Variants in LPP observed in about 807,000 individuals in gnomAD.
LPP encodes lipoma-preferred partner.
In LPP, 38 loss-of-function variants were observed where a neutral mutation model predicts 60.4. That is an observed-to-expected ratio of 0.63 (90% confidence interval 0.49 to 0.83). LPP has a LOEUF of 0.83. Among genes scored for constraint, LPP ranks in the 40% least tolerant of loss-of-function variants. The pLI is 0.00. For synonymous variants in LPP, 328 were observed against 290.8 expected, an observed-to-expected ratio of 1.13 and a Z score of -1.30; for missense variants, 902 against 783.6, an observed-to-expected ratio of 1.15 and a Z score of -1.80.
At chr3:188,867,157 T>C (rs960229792) in intron 10 of LPP, among the ~76,000 whole-genome samples, 2 of 151,894 alleles carry the variant, frequency 1.3e-5, no homozygotes, top group African/African-American at 4.8e-5. Context: ...GTATTACAGC[T>C]GGGGTCTTTA....
At chr3:188,597,712 G>C (rs529748964) in intron 6 of LPP, among the ~76,000 whole-genome samples, 1 of 152,014 alleles carries the variant, frequency 6.6e-6, no homozygotes, top group African/African-American at 2.4e-5. Flanking sequence ...TTCTGTTACC[G>C]AACTATTTCC....
chr3:188,489,538 G>A lies in LPP; in HGVS notation c.306+4834G>A, dbSNP rs572587478. Among the ~76,000 whole-genome samples, 11 of 152,304 alleles carry A rather than the reference G, an allele frequency of 7.2e-5. No homozygotes were observed. The South Asian group carries it at 2.3e-3, about 32-fold the overall frequency. Reference sequence around the variant, plus strand: ...GGTAGGCCTTGTGTTTCTAACTGTGGAACCTACTCTTTGTTCTGAAACCAT... The same window carrying A: ...GGTAGGCCTTGTGTTTCTAACTGTGAAACCTACTCTTTGTTCTGAAACCAT... On this transcript the variant is annotated intron_variant, in intron 5 of 11. Transcript: ENST00000617246.
At chr3:188,834,602 C>T (rs949834162) in intron 9 of LPP, among the ~76,000 whole-genome samples, 1 of 152,068 alleles carries the variant, frequency 6.6e-6, no homozygotes, top group African/African-American at 2.4e-5. Context: ...CCTCAGTTTC[C>T]GCCACCAGGT....
At chr3:188,578,905 C>T (rs1366806366) in intron 6 of LPP, among the ~76,000 whole-genome samples, 1 of 152,116 alleles carries the variant, frequency 6.6e-6, no homozygotes, top group African/African-American at 2.4e-5. Flanking sequence ...TTTAGTGTAG[C>T]TGATATTAAT....
At chr3:188,765,432 T>A (rs1733718896) in intron 9 of LPP, among the ~76,000 whole-genome samples, 3 of 152,140 alleles carry the variant, frequency 2.0e-5, no homozygotes, top group Admixed American at 1.3e-4. Flanking sequence ...AAGCACTCTC[T>A]TGGGAAGTTA....
intron 7 of LPP, among the ~76,000 whole-genome samples, chr3:188,693,705 C>T (rs564826203): frequency 9.9e-5 from 15 of 152,228 alleles, no homozygotes; most frequent in East Asian, 3.9e-4. Flanking sequence ...CAGTGTGTGT[C>T]GCCTCGCCGA....
intron 2 of LPP, among the ~76,000 whole-genome samples, chr3:188,332,801 T>C (rs900007909): frequency 6.6e-6 from 1 of 152,194 alleles, no homozygotes; most frequent in Non-Finnish European, 1.5e-5. Flanking sequence ...CAGACTCTAC[T>C]AGAAAGGTAA....
chr3:188,292,474 T>C (rs775915275), intron 2 of LPP, among the ~76,000 whole-genome samples: 4 of 152,220 alleles, frequency 2.6e-5, no homozygotes, highest in Non-Finnish European at 4.4e-5. Context: ...TCTGGAAGAC[T>C]GGACATGTCG....
intron 7 of LPP, among the ~76,000 whole-genome samples, chr3:188,688,111 C>A (rs1189630349): frequency 6.6e-6 from 1 of 152,252 alleles, no homozygotes; most frequent in East Asian, 1.9e-4. Flanking sequence ...CTTAGTTTTT[C>A]CAAAGTACTT....
intron 8 of LPP, chr3:188,712,681 C>A (rs1712056942): frequency 6.6e-6 from 1 of 152,248 alleles, no homozygotes; most frequent in Admixed American, 6.5e-5. Context: ...ATCACCTACT[C>A]TTTCTTTACT....
At chr3:188,703,554 G>T (rs1055032125) in intron 7 of LPP, among the ~76,000 whole-genome samples, 1 of 152,156 alleles carries the variant, frequency 6.6e-6, no homozygotes, top group East Asian at 1.9e-4. Context: ...AGTGACAGCC[G>T]TGGAGTGGAG....
intron 9 of LPP, among the ~76,000 whole-genome samples, chr3:188,796,395 C>CA (rs552048401): frequency 1.6e-3 from 245 of 152,230 alleles, no homozygotes; most frequent in African/African-American, 5.5e-3. Flanking sequence ...GCCTTTTTCC[C>CA]AAAAGTACAG....
intron 9 of LPP, among the ~76,000 whole-genome samples, chr3:188,836,528 C>T (rs1157106504): frequency 1.3e-5 from 2 of 152,218 alleles, no homozygotes; most frequent in Admixed American, 1.3e-4. Flanking sequence ...CACTCTATCC[C>T]TGCAGGACTT....
At position 188,884,008 on chromosome 3, in the gene LPP, T is replaced by A. The variant is rs1243380283; in HGVS notation, c.*9529T>A. 1 of 220,528 alleles carries A rather than the reference T, an allele frequency of 4.5e-6. No homozygotes were observed. The highest frequency in any genetic ancestry group is 2.2e-5 in the African/African-American group (1 of 44,614). The allele number at this position is 220,528 out of a possible 1,614,324, so 13.7% of individuals were successfully genotyped here. ...GGGGAAGACCATGATTGTGGCTTCTTCTACCCCAACTTTGAATGAGAGAGC... is the reference window on the plus strand; with the variant it reads ...GGGGAAGACCATGATTGTGGCTTCTACTACCCCAACTTTGAATGAGAGAGC... On this transcript the variant is annotated 3_prime_UTR_variant, in exon 12 of 12. Coordinates refer to ENST00000617246, the MANE Select transcript of LPP (RefSeq NM_001375462.1).
intron 7 of LPP, among the ~76,000 whole-genome samples, chr3:188,675,811 G>A (rs769788731): frequency 4.6e-5 from 7 of 152,168 alleles, no homozygotes; most frequent in Non-Finnish European, 8.8e-5. Context: ...GAAAAGGTAT[G>A]TTCTTTTTCC....
At chr3:188,460,420 A>C (rs1247542720) in intron 4 of LPP, among the ~76,000 whole-genome samples, 1 of 152,196 alleles carries the variant, frequency 6.6e-6, no homozygotes, top group East Asian at 1.9e-4. Flanking sequence ...TAAATATTTC[A>C]TCCAGGAGAA....
rs868594672 is a variant in LPP at position 188,250,802 on chromosome 3, T to G, written c.-67+25275T>G. On this transcript the variant is annotated intron_variant, in intron 2 of 11. Transcript: ENST00000617246. ...TCTTTCTTTCTGTCTTTCTCTTTCTTTCTTTCTCTTTCTTTCTTTCTTTTT... is the reference window on the plus strand; with the variant it reads ...TCTTTCTTTCTGTCTTTCTCTTTCTGTCTTTCTCTTTCTTTCTTTCTTTTT... Among the ~76,000 whole-genome samples, 321 of 136,102 alleles carry G rather than the reference T, an allele frequency of 2.4e-3. 3 individuals are homozygous for G. Among genetic ancestry groups the G allele is most frequent in the African/African-American group, 7.8e-3 (271 of 34,560 alleles). The allele number at this position is 136,102 out of a possible 152,430, so 89.3% of individuals were successfully genotyped here.
chr3:188,796,332 G>A (rs1745339918), intron 9 of LPP, among the ~76,000 whole-genome samples: 1 of 152,180 alleles, frequency 6.6e-6, no homozygotes, highest in Non-Finnish European at 1.5e-5. Context: ...CATGATGCAG[G>A]ATGAGTTTTG....
intron 5 of LPP, among the ~76,000 whole-genome samples, chr3:188,513,561 G>T (rs995659673): frequency 2.6e-5 from 4 of 151,856 alleles, no homozygotes; most frequent in Non-Finnish European, 4.4e-5. Flanking sequence ...TATATGTATT[G>T]TTCCTTATTA....
Sources: allele counts gnomAD v4.1 joint callset (sites outside exome capture counted in the v4.1 genomes callset), GRCh38; gene constraint gnomAD v4.1.1; transcripts MANE v1.5; gene names NCBI Gene and HGNC (gene_info 2026-07-23, HGNC 2026-07-21).